Variants in FCRL2 observed in about 807,000 individuals in gnomAD.
FCRL2 encodes the protein Fc receptor like 2.
In FCRL2, 48 loss-of-function variants were observed where a neutral mutation model predicts 59.8. The observed-to-expected ratio is 0.80, with a 90% CI of 0.64 to 1.02. FCRL2 has a LOEUF of 1.02. Ranked by LOEUF, FCRL2 falls within the 50% of genes least tolerant of loss-of-function variation. The pLI, the probability that FCRL2 is intolerant of heterozygous loss-of-function variation, is 0.00. For missense variants in FCRL2, 658 were observed against 597.3 expected, an observed-to-expected ratio of 1.10 and a Z score of -1.06; for synonymous variants, 251 against 229.5, an observed-to-expected ratio of 1.09 and a Z score of -0.85.
intron 2 of FCRL2, among the ~76,000 whole-genome samples, chr1:157,771,218 T>G (rs566014229): frequency 1.3e-5 from 2 of 152,314 alleles, no homozygotes; most frequent in South Asian, 2.1e-4. Context: ...AAACATGGTT[T>G]TTTAATGTTC....
At chr1:157,761,457 A>T (rs1649098345) in intron 7 of FCRL2, among the ~76,000 whole-genome samples, 1 of 152,116 alleles carries the variant, frequency 6.6e-6, no homozygotes, top group Non-Finnish European at 1.5e-5. Context: ...CTTTACAAAA[A>T]AATTAGCTGG....
intron 7 of FCRL2, among the ~76,000 whole-genome samples, chr1:157,758,129 G>A (rs1648742012): frequency 2.0e-5 from 3 of 152,158 alleles, no homozygotes. Context: ...GTGTATCATG[G>A]CGTACATCTG....
At chr1:157,762,260 T>C (rs1372678919) in intron 7 of FCRL2, among the ~76,000 whole-genome samples, 1 of 152,118 alleles carries the variant, frequency 6.6e-6, no homozygotes, top group Admixed American at 6.5e-5. Flanking sequence ...GCCCAGCCTA[T>C]CACAGCCACT....
chr1:157,766,402 C>T (rs1390344826), intron 7 of FCRL2, among the ~76,000 whole-genome samples: 2 of 151,744 alleles, frequency 1.3e-5, no homozygotes, highest in African/African-American at 4.8e-5. Context: ...ACCCAGGAGG[C>T]GGAGCTTGCA....
intron 7 of FCRL2, among the ~76,000 whole-genome samples, chr1:157,761,286 A>C (rs79003064): frequency 0.018 from 2,698 of 152,290 alleles, 70 homozygotes; most frequent in African/African-American, 0.061. Flanking sequence ...GCACAAAAAA[A>C]CCCACTTAAA....
rs373844520 is a variant in FCRL2 at position 157,746,947 on chromosome 1, G to T, written c.1460-48C>A. The T allele has an allele frequency of 2.7e-4, 424 of 1,592,888 alleles. 7 individuals are homozygous for T. The South Asian group carries it at 3.1e-3, about 12-fold the overall frequency. ...TCTGAGCTCTTGCATTCTTAATTAG[G>T]CCTCACTCCCAGACTTTATGCCCCA... On this transcript the variant is annotated intron_variant, in intron 10 of 11. Coordinates refer to ENST00000361516, the MANE Select transcript of FCRL2 (RefSeq NM_030764.4).
chr1:157,759,023 G>C (rs1007502626), intron 7 of FCRL2, among the ~76,000 whole-genome samples: 5 of 152,186 alleles, frequency 3.3e-5, no homozygotes, highest in Admixed American at 1.3e-4. Context: ...TTGAATTGTA[G>C]TTCCCATAAT....
intron 2 of FCRL2, among the ~76,000 whole-genome samples, chr1:157,773,906 G>A (rs184405650): frequency 2.0e-5 from 3 of 152,328 alleles, no homozygotes; most frequent in Non-Finnish European, 2.9e-5. Context: ...CCCCCAGAGG[G>A]TATAGAGGAG....
intron 7 of FCRL2, among the ~76,000 whole-genome samples, chr1:157,758,685 A>C (rs1648786492): frequency 6.6e-6 from 1 of 150,844 alleles, no homozygotes; most frequent in South Asian, 2.1e-4. Flanking sequence ...CCAAGCAAAA[A>C]AAAAAAAAAA....
At chr1:157,759,654 T>A (rs1648873927) in intron 7 of FCRL2, among the ~76,000 whole-genome samples, 1 of 152,118 alleles carries the variant, frequency 6.6e-6, no homozygotes, top group South Asian at 2.1e-4. Context: ...CAGACACTTC[T>A]CCAGAAAAGA....
In FCRL2 at chr1:157,770,472, T is replaced by C. The variant is rs1649915545; in HGVS notation, c.247A>G (p.Ser83Gly). The part of the protein sequence containing the change: ...VLSDSGNYFC[S>G]TKGQLFLWDK... ...CAGAGAAAGAGTTGTCCTTTGGTACTACAGAAATAGTTACCACTGTCACTT... is the reference window on the plus strand; with the variant it reads ...CAGAGAAAGAGTTGTCCTTTGGTACCACAGAAATAGTTACCACTGTCACTT... The change falls in exon 3 of 12, where the codon AGT becomes GGT. Residue 83 changes from serine to glycine, a missense_variant. Coordinates refer to ENST00000361516, the MANE Select transcript of FCRL2 (RefSeq NM_030764.4). 6.2e-7 allele frequency: 1 copy of C among 1,613,832 alleles called. No homozygotes were observed. Among genetic ancestry groups the C allele is most frequent in the African/African-American group, 1.3e-5 (1 of 74,950 alleles).
chr1:157,759,345 C>A (rs116142767), intron 7 of FCRL2, among the ~76,000 whole-genome samples: 470 of 152,206 alleles, frequency 3.1e-3, no homozygotes, highest in African/African-American at 0.01. Context: ...ATACAAAACT[C>A]TAGAAGAAAA....
rs551788611 is a variant in FCRL2, at chr1:157,764,540, T to C, written c.1279+2315A>G. 3.7e-4 allele frequency among the ~76,000 whole-genome samples: 56 copies of C among 152,372 alleles called. 1 individual carries two copies. The Middle Eastern group carries it at 0.024, about 65-fold the overall frequency. ...AATACGCATTTTTCTCACTTGTACATGGAACATTCTCCAGAATAGACCACA... is the reference window on the plus strand; with the variant it reads ...AATACGCATTTTTCTCACTTGTACACGGAACATTCTCCAGAATAGACCACA... On this transcript the variant is annotated intron_variant, in intron 7 of 11. Transcript: ENST00000361516.
chr1:157,766,461 ACT>A (rs1649503555), intron 7 of FCRL2, among the ~76,000 whole-genome samples: 3 of 151,462 alleles, frequency 2.0e-5, no homozygotes, highest in Admixed American at 6.6e-5. Context: ...ACAGAGTGAG[ACT>A]CTGTCTCAAA....
Position 157,748,991 on chromosome 1 carries a change from TCC to T in FCRL2, c.1308-33_1308-32del, listed in dbSNP as rs533669165. ...AGAAAGTGAATTAATTGTATGATAA[TCC>T]CCAGGGCAGTGAGTGAGAACAGAGG... On this transcript the variant is annotated intron_variant, in intron 8 of 11. Coordinates refer to ENST00000361516, the MANE Select transcript of FCRL2 (RefSeq NM_030764.4). 1.5e-4 allele frequency: 231 copies of T among 1,580,240 alleles called. 1 individual carries two copies. The African/African-American group carries it at 2.8e-3, about 19-fold the overall frequency.
intron 7 of FCRL2, among the ~76,000 whole-genome samples, chr1:157,757,243 T>G (rs1056466989): frequency 6.6e-6 from 1 of 152,212 alleles, no homozygotes; most frequent in South Asian, 2.1e-4. Context: ...GCTGAATGTT[T>G]GTGTCCTGCC....
intron 3 of FCRL2, 41 bp from the exon 4 acceptor site, chr1:157,770,191 C>T: frequency 1.3e-6 from 2 of 1,594,236 alleles, no homozygotes; most frequent in South Asian, 2.2e-5. Flanking sequence ...GCAGTGACAG[C>T]TAAGATTCCT....
At chr1:157,758,612 A>G (rs1489791171) in intron 7 of FCRL2, among the ~76,000 whole-genome samples, 1 of 150,246 alleles carries the variant, frequency 6.7e-6, no homozygotes, top group Non-Finnish European at 1.5e-5. Flanking sequence ...TGTTTGCAAA[A>G]TTAGAAAAAA....
chr1:157,767,681 G>T (rs369605918), intron 5 of FCRL2, 172 bp from the exon 6 acceptor site: 4 of 1,575,996 alleles, frequency 2.5e-6, no homozygotes, highest in Admixed American at 1.7e-5. Context: ...ATATTTAGAC[G>T]TTTGAGGGGA....
Sources: allele counts gnomAD v4.1 joint callset (sites outside exome capture counted in the v4.1 genomes callset), GRCh38; gene constraint gnomAD v4.1.1; transcripts MANE v1.5; gene names NCBI Gene and HGNC (gene_info 2026-07-23, HGNC 2026-07-21).